Variants in CERS6 observed in about 807,000 individuals in gnomAD.
CERS6 encodes the protein LAG1 homolog, ceramide synthase 6.
In CERS6, 26 loss-of-function variants were observed where a neutral mutation model predicts 56.8. The ratio of observed to expected loss-of-function variants is 0.46; its 90% CI spans 0.34 to 0.63. CERS6 has a LOEUF of 0.63. Ranked by LOEUF, CERS6 falls within the 30% of genes least tolerant of loss-of-function variation. The pLI is 0.01. For synonymous variants in CERS6, 164 were observed against 173.3 expected (o/e 0.95, Z 0.42); for missense variants, 415 against 467.5 (o/e 0.89, Z 1.04).
At chr2:168,596,674 T>G (rs1217449120) in intron 3 of CERS6, among the ~76,000 whole-genome samples, 2 of 150,982 alleles carry the variant, frequency 1.3e-5, no homozygotes, top group Admixed American at 6.6e-5. Context: ...CTGCCTCAGC[T>G]TCCCGAGTAG....
At chr2:168,727,496 C>T (rs112396383) in intron 8 of CERS6, among the ~76,000 whole-genome samples, 2,158 of 151,390 alleles carry the variant, frequency 0.014, 60 homozygotes, top group African/African-American at 0.05. Context: ...TTGCAGTGAG[C>T]CGAGATCGCG....
intron 8 of CERS6, among the ~76,000 whole-genome samples, chr2:168,757,228 C>T (rs75943905): frequency 0.012 from 1,893 of 152,092 alleles, 50 homozygotes; most frequent in African/African-American, 0.044. Context: ...GGATACATCC[C>T]GAAGGACACA....
intron 1 of CERS6, among the ~76,000 whole-genome samples, chr2:168,538,565 T>C (rs1390512827): frequency 6.6e-6 from 1 of 152,218 alleles, no homozygotes; most frequent in Non-Finnish European, 1.5e-5. Flanking sequence ...GCCCTGTCCT[T>C]CTTAGCAGGC....
At chr2:168,580,466 G>C (rs1423012312) in intron 3 of CERS6, among the ~76,000 whole-genome samples, 2 of 152,136 alleles carry the variant, frequency 1.3e-5, no homozygotes, top group African/African-American at 4.8e-5. Context: ...AAGGTGTTTA[G>C]AGTATTTTAT....
At chr2:168,648,716 T>C (rs964107732) in intron 4 of CERS6, among the ~76,000 whole-genome samples, 4 of 152,226 alleles carry the variant, frequency 2.6e-5, no homozygotes, top group Admixed American at 2.6e-4. Flanking sequence ...GATTCTGGTA[T>C]GTTTTATCTT....
At chr2:168,647,004 T>G (rs1685221014) in intron 4 of CERS6, among the ~76,000 whole-genome samples, 1 of 152,234 alleles carries the variant, frequency 6.6e-6, no homozygotes, top group African/African-American at 2.4e-5. Flanking sequence ...AGGACTGCCT[T>G]GGCTATTCAG....
At chr2:168,678,761 C>G (rs1355073930) in intron 4 of CERS6, among the ~76,000 whole-genome samples, 1 of 152,086 alleles carries the variant, frequency 6.6e-6, no homozygotes, top group Non-Finnish European at 1.5e-5. Flanking sequence ...TGCATCAACT[C>G]CTTGGAATAA....
intron 8 of CERS6, among the ~76,000 whole-genome samples, chr2:168,758,325 G>A (rs1303280899): frequency 2.6e-5 from 4 of 152,176 alleles, no homozygotes; most frequent in Admixed American, 1.3e-4. Context: ...TCAAGGTATC[G>A]TCACTGACAT....
Position 168,766,848 on chromosome 2 carries a change from G to A in CERS6, c.1002+1100G>A, listed in dbSNP as rs868478742. 2.6e-5 allele frequency among the ~76,000 whole-genome samples: 4 copies of A among 152,280 alleles called. No homozygotes were observed. The South Asian group carries it at 8.3e-4, about 32-fold the overall frequency. ...GCTGGCCTGTTCTGCAGGGGAAGTC[G>A]GGGCATCTAGTCGTGTACTATGAAG... On this transcript the variant is annotated intron_variant, in intron 9 of 9. Transcript: ENST00000305747.
intron 1 of CERS6, among the ~76,000 whole-genome samples, chr2:168,504,378 A>G (rs1348708873): frequency 6.6e-6 from 1 of 152,170 alleles, no homozygotes; most frequent in Non-Finnish European, 1.5e-5. Flanking sequence ...TTAAACAAAA[A>G]AAAAAAGGAA....
chr2:168,463,724 A>G (rs1693818598), intron 1 of CERS6, among the ~76,000 whole-genome samples: 1 of 152,150 alleles, frequency 6.6e-6, no homozygotes, highest in African/African-American at 2.4e-5. Context: ...CTGCGGCAAC[A>G]TGGCAAAACC....
chr2:168,618,090 A>G (rs1408006198), intron 3 of CERS6, among the ~76,000 whole-genome samples: 3 of 152,248 alleles, frequency 2.0e-5, no homozygotes, highest in Non-Finnish European at 4.4e-5. Flanking sequence ...ACATCAGTCA[A>G]TAAATGTGAT....
At chr2:168,586,094 C>G (rs1021014575) in intron 3 of CERS6, among the ~76,000 whole-genome samples, 3 of 152,018 alleles carry the variant, frequency 2.0e-5, no homozygotes, top group African/African-American at 7.3e-5. Context: ...AGTGATCCTC[C>G]CATCTCAGCC....
chr2:168,695,073 A>G, intron 6 of CERS6, 22 bp downstream of exon 6: 2 of 1,585,754 alleles, frequency 1.3e-6, no homozygotes, highest in Non-Finnish European at 1.7e-6. Context: ...TATGTCGTAA[A>G]GTGCTTGCAA....
At chr2:168,713,466 A>G (rs565815564) in intron 6 of CERS6, among the ~76,000 whole-genome samples, 1 of 152,260 alleles carries the variant, frequency 6.6e-6, no homozygotes, top group African/African-American at 2.4e-5. Context: ...AGATATATAG[A>G]TTAGATAAAA....
chr2:168,542,750 G>A (rs1305919393), intron 1 of CERS6, among the ~76,000 whole-genome samples: 2 of 152,068 alleles, frequency 1.3e-5, no homozygotes, highest in Non-Finnish European at 2.9e-5. Context: ...AGGCTGGAGT[G>A]CAGTGGCACA....
chr2:168,571,566 G>C (rs1242111464), intron 3 of CERS6, among the ~76,000 whole-genome samples: 2 of 152,072 alleles, frequency 1.3e-5, no homozygotes, highest in African/African-American at 2.4e-5. Flanking sequence ...GGTTTGTGAG[G>C]TTTATTTGTA....
chr2:168,660,295 C>T (rs1265348739), intron 4 of CERS6, among the ~76,000 whole-genome samples: 1 of 152,164 alleles, frequency 6.6e-6, no homozygotes, highest in African/African-American at 2.4e-5. Flanking sequence ...CCCACCTCTC[C>T]AAATAAAGGA....
chr2:168,679,406 C>T (rs372122287), intron 4 of CERS6, among the ~76,000 whole-genome samples: 15 of 152,084 alleles, frequency 9.9e-5, no homozygotes, highest in African/African-American at 1.7e-4. Context: ...AATATCTACA[C>T]GTGTTAAAAC....
Sources: allele counts gnomAD v4.1 joint callset (sites outside exome capture counted in the v4.1 genomes callset), GRCh38; gene constraint gnomAD v4.1.1; transcripts MANE v1.5; gene names NCBI Gene and HGNC (gene_info 2026-07-23, HGNC 2026-07-21).